Variants in FGG observed in about 807,000 individuals in gnomAD.
The protein encoded by FGG is fibrinogen, gamma polypeptide.
In FGG, 20 loss-of-function variants were observed where a neutral mutation model predicts 51.7. The ratio of observed to expected loss-of-function variants is 0.39; its 90% CI spans 0.27 to 0.56. FGG has a LOEUF of 0.56. FGG is among the 20% of genes least tolerant of loss of function. FGG has a pLI of 0.64. For missense variants in FGG, 460 were observed against 534.2 expected (o/e 0.86, Z 1.37); for synonymous variants, 184 against 184.7 (o/e 1.00, Z 0.03).
intron 8 of FGG, among the ~76,000 whole-genome samples, chr4:154,606,457 T>C (rs1731098214): frequency 6.6e-6 from 1 of 152,230 alleles, no homozygotes; most frequent in Non-Finnish European, 1.5e-5. Flanking sequence ...ATGATGGTGA[T>C]AGTTTCACAT....
chr4:154,609,895 A>G (rs1731170853), intron 5 of FGG, 132 bp from the exon 6 acceptor site: 6 of 1,526,022 alleles, frequency 3.9e-6, no homozygotes, highest in East Asian at 2.3e-5. Flanking sequence ...TCACATCAGC[A>G]TTCCTTTTAA....
At chr4:154,612,491 G>A (rs758482910) in intron 1 of FGG, 41 bp downstream of exon 1, 1 of 1,613,570 alleles carries the variant, frequency 6.2e-7, no homozygotes, top group South Asian at 1.1e-5. Context: ...TTATTTTCCA[G>A]CTTTCCATTT....
At chr4:154,609,571 G>T (rs1731162216) in intron 6 of FGG, 59 bp downstream of exon 6, 2 of 1,596,650 alleles carry the variant, frequency 1.3e-6, no homozygotes, top group East Asian at 4.5e-5. Flanking sequence ...AAAAGTATCT[G>T]CCATATGGCA....
intron 7 of FGG, 121 bp downstream of exon 7, chr4:154,608,345 G>T: frequency 2.1e-6 from 2 of 956,166 alleles, no homozygotes; most frequent in Non-Finnish European, 3.2e-6. Flanking sequence ...GGAGAAAATG[G>T]TGGCTGGATG....
chr4:154,606,921 C>T lies in FGG; in HGVS notation c.913G>A (p.Ala305Thr), dbSNP rs1731109372. ...PEADKYRLTY[A>T]YFAGGDAGDA... ...CCAGCATCCCCACCAGCGAAGTAGG[C>T]ATATGTTAGGCGGTACTTGTCAGCT... The change falls in exon 8 of 9, where the codon GCC becomes ACC. Residue 305 changes from alanine to threonine, a missense_variant. Ala to Thr is a moderately conservative substitution (Grantham distance 58). This residue lies in a region of FGG where 353 missense variants were observed against 391.7 expected (regional missense o/e 0.90). Transcript: ENST00000336098. 3 of 1,613,722 alleles carry T rather than the reference C, an allele frequency of 1.9e-6. No individual in the cohort carries two copies. Among genetic ancestry groups the T allele is most frequent in the Non-Finnish European group, 1.7e-6 (2 of 1,179,764 alleles).
Position 154,606,717 on chromosome 4 carries a change from C to T in FGG, c.1117G>A (p.Val373Ile). ...AAGGAAAACATACCTTGGTAATAAA[C>T]TCCATTGAGATGGCCAGCGTGACAC... ...NKCHAGHLNG[V>I]YYQGGTYSKA... Residue 373 changes from valine to isoleucine, a missense_variant, in exon 8 of 9, where the codon GTT becomes ATT. This residue lies in a region of FGG where 15 missense variants were observed against 48.8 expected (regional missense o/e 0.31). Transcript: ENST00000336098. 1 of 1,613,834 alleles carries T rather than the reference C, an allele frequency of 6.2e-7. No homozygotes were observed. Among genetic ancestry groups the T allele is most frequent in the Non-Finnish European group, 8.5e-7 (1 of 1,179,830 alleles).
rs1353074807 is a variant in FGG at position 154,610,180 on chromosome 4, T to C, written c.419A>G (p.Tyr140Cys). The part of the protein sequence containing the change: ...DSSIRYLQEI[Y>C]NSNNQKIVNL... ...AACAATCTTTTGATTATTTGAATTATATATTTCCTGCAAATATCTACAAAC... is the reference window on the plus strand; with the variant it reads ...AACAATCTTTTGATTATTTGAATTACATATTTCCTGCAAATATCTACAAAC... The change falls in exon 5 of 9, where the codon TAT becomes TGT. Residue 140 changes from tyrosine (Y) to cysteine (C), a missense_variant. This residue lies in a region of FGG where 353 missense variants were observed against 391.7 expected (regional missense o/e 0.90). Coordinates refer to ENST00000336098, the MANE Select transcript of FGG (RefSeq NM_021870.3). 1.6e-5 allele frequency: 25 copies of C among 1,583,604 alleles called. No homozygotes were observed. The highest frequency in any genetic ancestry group is 2.1e-5 in the Non-Finnish European group (24 of 1,152,534).
At chr4:154,607,450 C>A (rs1167973573) in intron 7 of FGG, among the ~76,000 whole-genome samples, 1 of 152,100 alleles carries the variant, frequency 6.6e-6, no homozygotes, top group East Asian at 1.9e-4. Context: ...GGGTTAGGTG[C>A]TAAAGGGATT....
Position 154,612,548 on chromosome 4 carries a change from G to A in FGG, c.62C>T (p.Ser21Phe). 6.2e-7 allele frequency: 1 copy of A among 1,614,004 alleles called. No individual in the cohort carries two copies. Among genetic ancestry groups the A allele is most frequent in the Non-Finnish European group, 8.5e-7 (1 of 1,179,912 alleles). ...ILYFYALLFL[S>F]STCVAYVATR... Reference sequence around the variant, plus strand: ...CACACTTACTGCTACACATGTTGAAGAGAGAAATAAAAGAGCATAGAAGTA... The same window carrying A: ...CACACTTACTGCTACACATGTTGAAAAGAGAAATAAAAGAGCATAGAAGTA... The change falls in exon 1 of 9, where the codon TCT becomes TTT. Residue 21 changes from serine (S) to phenylalanine (F), a missense_variant. Coordinates refer to ENST00000336098, the MANE Select transcript of FGG (RefSeq NM_021870.3).
chr4:154,612,245 T>A (rs1205364394), intron 2 of FGG, 44 bp from the exon 3 acceptor site: 1 of 1,598,998 alleles, frequency 6.3e-7, no homozygotes, highest in Admixed American at 1.7e-5. Context: ...GATGCTACTC[T>A]TAAAATCTAT....
chr4:154,604,224 T>G lies in FGG; in HGVS notation c.*610A>C. The G allele has an allele frequency of 1.3e-6, 1 of 758,760 alleles. No individual in the cohort carries two copies. Among genetic ancestry groups the G allele is most frequent in the Non-Finnish European group, 2.0e-6 (1 of 490,298 alleles). 47.0% of individuals were successfully genotyped at this position (758,760 alleles called of 1,614,324 possible). On this transcript the variant is annotated 3_prime_UTR_variant, in exon 9 of 9. Transcript: ENST00000336098. ...GTTATGGAGTTTTCAACATGGGGTC[T>G]TTTGCTCTTAAAATGAAGTGAAGCT...
intron 8 of FGG, among the ~76,000 whole-genome samples, chr4:154,606,047 A>G (rs1731090708): frequency 6.6e-6 from 1 of 152,098 alleles, no homozygotes; most frequent in Non-Finnish European, 1.5e-5. Context: ...ATGGAATACC[A>G]CTGGGATTTC....
Position 154,604,485 on chromosome 4 carries a change from T to G in FGG, c.*349A>C. ...TACCTGGGAATTTGAAACTCTAAAATGTTCTCCTATTTTATTAAGTACATA... is the reference window on the plus strand; with the variant it reads ...TACCTGGGAATTTGAAACTCTAAAAGGTTCTCCTATTTTATTAAGTACATA... On this transcript the variant is annotated 3_prime_UTR_variant, in exon 9 of 9. Transcript: ENST00000336098. The G allele has an allele frequency of 1.8e-6, 2 of 1,097,780 alleles. No individual in the cohort carries two copies. The highest frequency in any genetic ancestry group is 2.5e-6 in the Non-Finnish European group (2 of 796,288). The allele number at this position is 1,097,780 out of a possible 1,614,324, so 68.0% of individuals were successfully genotyped here. A position where few individuals can be genotyped will look rare whatever the true frequency, so the allele number is the denominator to read the frequency against.
rs201436157 is a variant in FGG at position 154,605,084 on chromosome 4, T to C, written c.1130-18A>G. 1.2e-4 allele frequency: 190 copies of C among 1,613,826 alleles called. 1 individual carries two copies. The highest frequency in any genetic ancestry group is 1.2e-5 in the Non-Finnish European group (14 of 1,179,884). ...AGTGCCACCTAAAACAAGTCGTAGA[T>C]GTACATATCATTATTCTGGAATCTT... On this transcript the variant is annotated intron_variant, in intron 8 of 8. Coordinates refer to ENST00000336098, the MANE Select transcript of FGG (RefSeq NM_021870.3).
Position 154,612,391 on chromosome 4 carries a change from G to A in FGG, c.123C>T (p.Phe41=), listed in dbSNP as rs141554929. 51 of 1,612,934 alleles carry A rather than the reference G, an allele frequency of 3.2e-5. 1 individual carries two copies. Among genetic ancestry groups the A allele is most frequent in the Non-Finnish European group, 3.1e-5 (37 of 1,179,850 alleles). The change falls in exon 2 of 9, where the codon TTC becomes TTT. Residue 41 remains phenylalanine, a splice_region_variant and synonymous_variant. Coordinates refer to ENST00000336098, the MANE Select transcript of FGG (RefSeq NM_021870.3). ...RDNCCILDER[F]GSYCPTTCGI... ...AGGGAGAAACATAAAAACTACTTAC[G>A]AATCTTTCATCTAAGATGCAGCAGT...
At position 154,604,317 on chromosome 4, in the gene FGG, TA is replaced by T; in HGVS notation, c.*516del. The stretch of plus-strand genomic sequence containing the variant: ...GTTCAGATAAAGTCCTTTAAAAAAG[TA>T]AATCTCTTTTGAAACGGTCTTTTAA... On this transcript the variant is annotated 3_prime_UTR_variant, in exon 9 of 9. Transcript: ENST00000336098. 1 of 1,511,554 alleles carries T rather than the reference TA, an allele frequency of 6.6e-7. No homozygotes were observed. The highest frequency in any genetic ancestry group is 8.9e-7 in the Non-Finnish European group (1 of 1,129,766). The allele number at this position is 1,511,554 out of a possible 1,614,324, so 93.6% of individuals were successfully genotyped here. A position where few individuals can be genotyped will look rare whatever the true frequency, so the allele number is the denominator to read the frequency against.
intron 8 of FGG, 127 bp from the exon 9 acceptor site, chr4:154,605,193 GA>G (rs1393351502): frequency 2.3e-6 from 2 of 859,856 alleles, no homozygotes; most frequent in Non-Finnish European, 3.7e-6. Context: ...TCTGCTAACT[GA>G]AAATATCTCC....
Position 154,605,079 on chromosome 4 carries a change from G to A in FGG, c.1130-13C>T, listed in dbSNP as rs2066878. 986 of 1,613,760 alleles carry A rather than the reference G, an allele frequency of 6.1e-4. 8 individuals are homozygous for A. The African/African-American group carries it at 9.0e-3, about 15-fold the overall frequency. On this transcript the variant is annotated splice_polypyrimidine_tract_variant and intron_variant, in intron 8 of 8. Transcript: ENST00000336098. ...GAGTAAGTGCCACCTAAAACAAGTC[G>A]TAGATGTACATATCATTATTCTGGA...
At position 154,610,169 on chromosome 4, in the gene FGG, T is replaced by A; in HGVS notation, c.430A>T (p.Asn144Tyr). The part of the protein sequence containing the change: ...RYLQEIYNSN[N>Y]QKIVNLKEKV... ...TCTTTCAGGTTAACAATCTTTTGATTATTTGAATTATATATTTCCTGCAAA... is the reference window on the plus strand; with the variant it reads ...TCTTTCAGGTTAACAATCTTTTGATAATTTGAATTATATATTTCCTGCAAA... Residue 144 changes from asparagine (N) to tyrosine (Y), a missense_variant, in exon 5 of 9, where the codon AAT becomes TAT. Asn to Tyr is a moderately radical substitution (Grantham distance 143, BLOSUM62 -2). Coordinates refer to ENST00000336098, the MANE Select transcript of FGG (RefSeq NM_021870.3). The A allele has an allele frequency of 6.3e-7, 1 of 1,591,768 alleles. No individual in the cohort carries two copies. Among genetic ancestry groups the A allele is most frequent in the South Asian group, 1.1e-5 (1 of 90,630 alleles).
Sources: allele counts gnomAD v4.1 joint callset (sites outside exome capture counted in the v4.1 genomes callset), GRCh38; gene constraint gnomAD v4.1.1; regional missense constraint gnomAD v4.1.1; transcripts MANE v1.5; gene names NCBI Gene and HGNC (gene_info 2026-07-23, HGNC 2026-07-21).